MOB3A: variants seen among roughly 807,000 people sequenced by gnomAD.
MOB3A encodes the protein MOB kinase activator 3A.
A neutral mutation model predicts 17.8 loss-of-function variants in MOB3A; 17 were observed. The ratio of observed to expected loss-of-function variants is 0.95; its 90% CI spans 0.65 to 1.43. The LOEUF (loss-of-function observed/expected upper bound fraction) is 1.43, where lower values mean the gene tolerates loss of function less well. MOB3A is among the 40% of genes most tolerant of loss of function. The pLI is 0.00. For synonymous variants in MOB3A, 124 were observed against 133.2 expected, an observed-to-expected ratio of 0.93 and a Z score of 0.48; for missense variants, 333 against 310.8, an observed-to-expected ratio of 1.07 and a Z score of -0.54.
At chr19:2,079,369 G>T (rs1000054568) in intron 2 of MOB3A, among the ~76,000 whole-genome samples, 5 of 152,272 alleles carry the variant, frequency 3.3e-5, no homozygotes, top group Admixed American at 6.5e-5. Flanking sequence ...CCCGCAGCCT[G>T]TGCATGGCAG....
chr19:2,076,293 G>A (rs2017406165), intron 4 of MOB3A, among the ~76,000 whole-genome samples: 1 of 151,954 alleles, frequency 6.6e-6, no homozygotes, highest in Non-Finnish European at 1.5e-5. Context: ...TTAGCTGGAC[G>A]TGGTGGCGCG....
intron 2 of MOB3A, among the ~76,000 whole-genome samples, chr19:2,080,099 C>T (rs768958438): frequency 1.3e-5 from 2 of 152,182 alleles, no homozygotes; most frequent in African/African-American, 2.4e-5. Flanking sequence ...GCCAGGACGC[C>T]GGCACCGTGG....
intron 1 of MOB3A, among the ~76,000 whole-genome samples, chr19:2,092,467 C>T (rs2017624927): frequency 6.6e-6 from 1 of 152,102 alleles, no homozygotes; most frequent in African/African-American, 2.4e-5. Context: ...AAAAAACAGT[C>T]ATTTTGATAT....
chr19:2,089,188 T>C lies in MOB3A; in HGVS notation c.-273-3860A>G, dbSNP rs111665117. ...ACAGGCCTGGCATTTGCTGGGGCCC[T>C]GGAGGACCTGCTCTCGTGAAACTCA... On this transcript the variant is annotated intron_variant, in intron 1 of 4. Transcript: ENST00000357066. 7.2e-4 allele frequency among the ~76,000 whole-genome samples: 110 copies of C among 152,314 alleles called. 1 individual carries two copies. Among genetic ancestry groups the C allele is most frequent in the African/African-American group, 2.5e-3 (102 of 41,578 alleles).
rs2017506949 is a variant in MOB3A, at chr19:2,082,904, C to T, written c.-120+2271G>A. On this transcript the variant is annotated intron_variant, in intron 2 of 4. Coordinates refer to ENST00000357066, the MANE Select transcript of MOB3A (RefSeq NM_130807.3). The surrounding 1 kb of genome is among the most constrained non-coding windows in gnomAD (Gnocchi z 4.1). ...ATGGCTCACACTTCAGCCTCGACCT[C>T]CTAGCTCAAGGGATCCTCCTGCCTC... 6.6e-6 allele frequency among the ~76,000 whole-genome samples: 1 copy of T among 152,208 alleles called. No individual in the cohort carries two copies. The highest frequency in any genetic ancestry group is 2.4e-5 in the African/African-American group (1 of 41,434).
At chr19:2,091,568 G>C (rs755665327) in intron 1 of MOB3A, among the ~76,000 whole-genome samples, 3 of 151,798 alleles carry the variant, frequency 2.0e-5, no homozygotes, top group East Asian at 2.0e-4. Flanking sequence ...ATTTTTGGTA[G>C]AGACGGGGTT....
chr19:2,091,300 A>T (rs1159058961), intron 1 of MOB3A, among the ~76,000 whole-genome samples: 1 of 152,218 alleles, frequency 6.6e-6, no homozygotes. Context: ...TTTTAAGAAG[A>T]ATGAGACACA....
intron 3 of MOB3A, among the ~76,000 whole-genome samples, chr19:2,077,555 G>T (rs1482976568): frequency 6.6e-6 from 1 of 152,182 alleles, no homozygotes; most frequent in Non-Finnish European, 1.5e-5. Flanking sequence ...CGCCAACGGG[G>T]TGATGATCCT....
At chr19:2,073,465 C>A (rs1248360821) in intron 4 of MOB3A, 41 bp from the exon 5 acceptor site, 10 of 1,613,432 alleles carry the variant, frequency 6.2e-6, no homozygotes, top group African/African-American at 1.3e-5. Context: ...ACCAGCCACT[C>A]CTAAAAGGGG....
In MOB3A at chr19:2,078,286, G is replaced by T; in HGVS notation, c.275C>A (p.Ser92Ter). ...GCTEQSCPVM[S>*]GGPKYEYRWQ... ...GCGGTACTCATACTTGGGGCCCCCC[G>T]ACATGACGGGGCAGGACTGCTCCGT... The change falls in exon 3 of 5, where the codon TCG becomes TAG. Residue 92 changes from serine (S) to a stop codon, truncating the protein, a stop_gained. Transcript: ENST00000357066. LOFTEE classifies it high-confidence loss of function. 1 of 1,614,144 alleles carries T rather than the reference G, an allele frequency of 6.2e-7. No homozygotes were observed. The highest frequency in any genetic ancestry group is 8.5e-7 in the Non-Finnish European group (1 of 1,180,010).
chr19:2,091,531 C>T (rs2017613896), intron 1 of MOB3A, among the ~76,000 whole-genome samples: 1 of 151,524 alleles, frequency 6.6e-6, no homozygotes, highest in Non-Finnish European at 1.5e-5. Flanking sequence ...TTACAGGCGC[C>T]CGCCACTACG....
rs978457975 is a variant in MOB3A, at chr19:2,093,521, G to A, written c.-274+2705C>T. ...TGTGGTCCAGCGTGTGCCTGGCTGT[G>A]TATTTAGTAGAGATGGGGTTTTGCC... On this transcript the variant is annotated intron_variant, in intron 1 of 4. Transcript: ENST00000357066. The surrounding 1 kb of genome is among the most constrained non-coding windows in gnomAD (Gnocchi z 4.6). Among the ~76,000 whole-genome samples, 1 of 152,120 alleles carries A rather than the reference G, an allele frequency of 6.6e-6. No individual in the cohort carries two copies. Among genetic ancestry groups the A allele is most frequent in the African/African-American group, 2.4e-5 (1 of 41,428 alleles).
At chr19:2,078,082 C>G (rs2017435311) in intron 3 of MOB3A, 58 bp downstream of exon 3, 18 of 1,480,324 alleles carry the variant, frequency 1.2e-5, no homozygotes, top group Non-Finnish European at 1.6e-5. Flanking sequence ...CTGTGCTCGG[C>G]CTCCCTGACT....
intron 2 of MOB3A, among the ~76,000 whole-genome samples, chr19:2,081,157 T>C (rs1328075195): frequency 2.0e-5 from 3 of 151,890 alleles, no homozygotes; most frequent in Non-Finnish European, 4.4e-5. Context: ...AGCTGGATCC[T>C]TCTGGAGGCC....
intron 2 of MOB3A, chr19:2,084,223 T>C: frequency 4.3e-6 from 2 of 461,350 alleles, no homozygotes; most frequent in South Asian, 1.5e-5. Flanking sequence ...CCAGGCGAGG[T>C]GGCTCATGCC....
intron 1 of MOB3A, chr19:2,095,299 A>T (rs1002980328): frequency 6.6e-6 from 1 of 152,188 alleles, no homozygotes; most frequent in Non-Finnish European, 1.5e-5. Context: ...GCATTTTCCA[A>T]TTTCCCCTCC....
chr19:2,087,907 C>T (rs766155828), intron 1 of MOB3A, among the ~76,000 whole-genome samples: 6 of 152,230 alleles, frequency 3.9e-5, no homozygotes, highest in African/African-American at 9.6e-5. Context: ...GACTTGGCAC[C>T]GCCTTCTTGG....
rs376495189 is a variant in MOB3A at position 2,078,688 on chromosome 19, C to T, written c.-119-9G>A. ...ACAGCTCTCCCGCGGACCTGAAATA[C>T]ACAGGGGAATCATGACCTGCTGGAG... is the stretch of plus-strand genomic sequence containing the variant. On this transcript the variant is annotated splice_polypyrimidine_tract_variant and intron_variant, in intron 2 of 4. Coordinates refer to ENST00000357066, the MANE Select transcript of MOB3A (RefSeq NM_130807.3). The T allele has an allele frequency of 9.6e-5, 87 of 908,224 alleles. 1 individual carries two copies. The East Asian group carries it at 1.4e-3, about 14-fold the overall frequency. 56.3% of individuals were successfully genotyped at this position (908,224 alleles called of 1,614,324 possible).
In MOB3A at chr19:2,078,222, G is replaced by A. The variant is rs11541046; in HGVS notation, c.339C>T (p.Leu113=). The A allele has an allele frequency of 2.3e-5, 37 of 1,613,064 alleles. No individual in the cohort carries two copies. The Admixed American group carries it at 5.8e-4, about 25-fold the overall frequency. Residue 113 remains leucine, a synonymous_variant, in exon 3 of 5, where the codon CTC becomes CTT. Coordinates refer to ENST00000357066, the MANE Select transcript of MOB3A (RefSeq NM_130807.3). ...GCAGGTCCATGTACCTGGGCGCGGA[G>A]AGTGCCGTGGGCTTCCGGAACTTAT... ...DEHKFRKPTA[L]SAPRYMDLLM...
Sources: gnomAD v4.1 joint callset for allele counts (sites outside exome capture counted in the v4.1 genomes callset) on GRCh38, gnomAD v4.1.1 for gene constraint, Gnocchi (gnomAD v3.1) non-coding constraint, MANE v1.5 for transcripts, NCBI Gene and HGNC (gene_info 2026-07-23, HGNC 2026-07-21) for gene names.